PHYHIPL: variants seen among roughly 807,000 people sequenced by gnomAD.
The protein encoded by PHYHIPL is phytanoyl-CoA 2-hydroxylase interacting protein like.
In PHYHIPL, 9 loss-of-function variants were observed where a neutral mutation model predicts 33.4. The ratio of observed to expected loss-of-function variants is 0.27; its 90% CI spans 0.16 to 0.47. PHYHIPL has a LOEUF of 0.47. PHYHIPL is among the 20% of genes least tolerant of loss of function. The pLI, the probability that PHYHIPL is intolerant of heterozygous loss-of-function variation, is 0.99. For missense variants in PHYHIPL, 365 were observed against 460.7 expected, an observed-to-expected ratio of 0.79 and a Z score of 1.90; for synonymous variants, 153 against 154.1, an observed-to-expected ratio of 0.99 and a Z score of 0.05.
intron 1 of PHYHIPL, among the ~76,000 whole-genome samples, chr10:59,217,571 T>C (rs1839653571): frequency 6.6e-6 from 1 of 152,054 alleles, no homozygotes; most frequent in South Asian, 2.1e-4. Flanking sequence ...CTAATATTCA[T>C]ATATTACCAC....
chr10:59,228,812 C>G (rs763045194), intron 1 of PHYHIPL, among the ~76,000 whole-genome samples: 19 of 152,080 alleles, frequency 1.2e-4, no homozygotes, highest in Admixed American at 9.8e-4. Context: ...CCATCATTAC[C>G]TTTGCAAACA....
intron 1 of PHYHIPL, among the ~76,000 whole-genome samples, chr10:59,190,611 T>C (rs1316112954): frequency 6.6e-6 from 1 of 151,914 alleles, no homozygotes; most frequent in Admixed American, 6.6e-5. Flanking sequence ...TTTCTGAAAA[T>C]TTATTTGCAT....
At chr10:59,227,411 A>T (rs1161057572) in intron 1 of PHYHIPL, among the ~76,000 whole-genome samples, 2 of 152,166 alleles carry the variant, frequency 1.3e-5, no homozygotes, top group Non-Finnish European at 2.9e-5. Context: ...CTCCCATGAG[A>T]TGGCATTAAT....
intron 1 of PHYHIPL, among the ~76,000 whole-genome samples, chr10:59,187,406 G>A (rs982201636): frequency 3.9e-5 from 6 of 152,186 alleles, no homozygotes; most frequent in African/African-American, 1.4e-4. Context: ...TGTTCATCAA[G>A]GATATTGGTC....
At chr10:59,204,147 T>C (rs1311304263) in intron 1 of PHYHIPL, among the ~76,000 whole-genome samples, 1 of 152,176 alleles carries the variant, frequency 6.6e-6, no homozygotes, top group Non-Finnish European at 1.5e-5. Flanking sequence ...CTGAAAACTT[T>C]ATATAAAGAA....
chr10:59,224,074 G>A (rs1839853310), intron 1 of PHYHIPL, among the ~76,000 whole-genome samples: 2 of 152,120 alleles, frequency 1.3e-5, no homozygotes, highest in Non-Finnish European at 1.5e-5. Context: ...CAAGTCCATG[G>A]ACTTTTCCGT....
chr10:59,174,619 C>T (rs937072580), upstream of PHYHIPL, among the ~76,000 whole-genome samples: 4 of 152,192 alleles, frequency 2.6e-5, no homozygotes, highest in African/African-American at 9.7e-5. Flanking sequence ...CAGAAAGTGA[C>T]ATTAATACAC....
chr10:59,245,456 C>A lies in PHYHIPL; in HGVS notation c.996C>A (p.Val332=). 1 of 1,614,116 alleles carries A rather than the reference C, an allele frequency of 6.2e-7. No homozygotes were observed. The highest frequency in any genetic ancestry group is 8.5e-7 in the Non-Finnish European group (1 of 1,180,018). ...ATGCCCAGGATGTCATTTTAGAAGT[C>A]ATTTACACTGACCCTGTGGATCTTT... ...YHHAQDVILE[V]IYTDPVDLSV... is the part of the protein sequence containing the mutation. Residue 332 remains valine (V), a synonymous_variant, in exon 5 of 5, where the codon GTC becomes GTA. Transcript: ENST00000373880.
chr10:59,197,520 G>C (rs1460469085), intron 1 of PHYHIPL, among the ~76,000 whole-genome samples: 1 of 151,816 alleles, frequency 6.6e-6, no homozygotes, highest in Non-Finnish European at 1.5e-5. Context: ...CCTACATTTT[G>C]TGAGTTTTCT....
chr10:59,184,658 A>G (rs1352230882), intron 1 of PHYHIPL, among the ~76,000 whole-genome samples: 1 of 150,802 alleles, frequency 6.6e-6, no homozygotes, highest in African/African-American at 2.4e-5. Flanking sequence ...TTATTGTATT[A>G]TTATTATACT....
chr10:59,182,488 A>C (rs932917480), intron 1 of PHYHIPL, among the ~76,000 whole-genome samples: 122 of 151,974 alleles, frequency 8.0e-4, no homozygotes, highest in African/African-American at 2.9e-3. Flanking sequence ...GATTACAGGC[A>C]CCCGCCACCA....
chr10:59,188,771 C>G (rs967397545), intron 1 of PHYHIPL, among the ~76,000 whole-genome samples: 4 of 151,786 alleles, frequency 2.6e-5, no homozygotes, highest in Admixed American at 2.6e-4. Flanking sequence ...CTATTTTATC[C>G]GAGACTAAGA....
chr10:59,244,562 C>CTAAAAAAAAA (rs1840565549), intron 4 of PHYHIPL, among the ~76,000 whole-genome samples: 1 of 39,556 alleles, frequency 2.5e-5, no homozygotes, highest in Non-Finnish European at 4.8e-5. Context: ...GACTCTGTCT[C>CTAAAAAAAAA]AAAAAAAAAA....
At position 59,176,831 on chromosome 10, in the gene PHYHIPL, G is replaced by T. The variant is rs1231646241; in HGVS notation, c.-23G>T. ...GAGAGAGCCTGGATACGAAGCAGGC[G>T]GGCTTCAGAGTGGGTTGGAAAAATG... is the stretch of plus-strand genomic sequence containing the variant. On this transcript the variant is annotated 5_prime_UTR_variant, in exon 1 of 5. Transcript: ENST00000373880. 1.3e-6 allele frequency: 2 copies of T among 1,599,220 alleles called. No homozygotes were observed. Among genetic ancestry groups the T allele is most frequent in the Non-Finnish European group, 1.7e-6 (2 of 1,171,342 alleles).
chr10:59,244,562 CAA>C (rs71006239), intron 4 of PHYHIPL, among the ~76,000 whole-genome samples: 55 of 39,554 alleles, frequency 1.4e-3, no homozygotes, highest in African/African-American at 4.0e-3. Context: ...GACTCTGTCT[CAA>C]AAAAAAAAAA....
At chr10:59,240,016 A>C (rs1417094105) in intron 4 of PHYHIPL, among the ~76,000 whole-genome samples, 1 of 152,148 alleles carries the variant, frequency 6.6e-6, no homozygotes, top group African/African-American at 2.4e-5. Flanking sequence ...AGAGAGAAGA[A>C]CACACGTAGG....
At chr10:59,236,219 A>G (rs1840225606) in intron 2 of PHYHIPL, among the ~76,000 whole-genome samples, 1 of 151,934 alleles carries the variant, frequency 6.6e-6, no homozygotes, top group African/African-American at 2.4e-5. Context: ...AAATATAATA[A>G]TTGTTAAGTA....
chr10:59,178,841 A>G (rs1417505811), intron 1 of PHYHIPL, among the ~76,000 whole-genome samples: 3 of 152,182 alleles, frequency 2.0e-5, no homozygotes, highest in Non-Finnish European at 4.4e-5. Context: ...TTTTCAAATT[A>G]GGAATCCCAC....
chr10:59,176,201 G>A (rs1254986679), upstream of PHYHIPL, among the ~76,000 whole-genome samples: 1 of 152,170 alleles, frequency 6.6e-6, no homozygotes, highest in East Asian at 1.9e-4. Context: ...CCCCAATACC[G>A]TACAGAGAGT....
Sources: gnomAD v4.1 joint callset for allele counts (sites outside exome capture counted in the v4.1 genomes callset) on GRCh38, gnomAD v4.1.1 for gene constraint, MANE v1.5 for transcripts, NCBI Gene and HGNC (gene_info 2026-07-23, HGNC 2026-07-21) for gene names.